Variants in PCDHGB2 observed in about 807,000 individuals in gnomAD.
PCDHGB2 encodes protocadherin gamma-B2.
Under a neutral mutation model 59.3 loss-of-function variants are expected in PCDHGB2, and 55 were observed. The observed-to-expected ratio is 0.93, with a 90% confidence interval of 0.75 to 1.16. The LOEUF (loss-of-function observed/expected upper bound fraction) is 1.16, where lower values mean the gene tolerates loss of function less well. PCDHGB2 is among the 50% of genes most tolerant of loss of function. The pLI, the probability that PCDHGB2 is intolerant of heterozygous loss-of-function variation, is 0.00. For missense variants in PCDHGB2, 1,228 were observed against 1,198.5 expected (o/e 1.02, Z -0.36); for synonymous variants, 516 against 512.0 (o/e 1.01, Z -0.11).
rs765690531 is a variant in PCDHGB2, at chr5:141,404,329, C to T, written c.2421+41773C>T. 6.8e-5 allele frequency: 110 copies of T among 1,613,772 alleles called. No homozygotes were observed. The East Asian group carries it at 2.4e-3, about 36-fold the overall frequency. On this transcript the variant is annotated intron_variant, in intron 1 of 3. Coordinates refer to ENST00000522605, the MANE Select transcript of PCDHGB2 (RefSeq NM_018923.3). ...CTTTCTCTCAAGCCTCCTACTCAGTCTACCTCCCGGAAAACAACGCCAGAG... is the reference window on the plus strand; with the variant it reads ...CTTTCTCTCAAGCCTCCTACTCAGTTTACCTCCCGGAAAACAACGCCAGAG...
Position 141,487,171 on chromosome 5 carries a change from G to C in PCDHGB2, c.2422-7636G>C. ...CTGTTACTCTCTTAGTGTCCTTAGA[G>C]GAAGACACTCATCCAGTTGTCCCAG... On this transcript the variant is annotated intron_variant, in intron 1 of 3. Transcript: ENST00000522605. The surrounding 1 kb of genome is among the most constrained non-coding windows in gnomAD (Gnocchi z 5.0). 1 of 1,612,938 alleles carries C rather than the reference G, an allele frequency of 6.2e-7. No individual in the cohort carries two copies. Among genetic ancestry groups the C allele is most frequent in the Non-Finnish European group, 8.5e-7 (1 of 1,178,910 alleles).
rs768767029 is a variant in PCDHGB2, at chr5:141,477,838, G to A, written c.2422-16969G>A. The A allele has an allele frequency of 6.2e-7, 1 of 1,612,892 alleles. No individual in the cohort carries two copies. The highest frequency in any genetic ancestry group is 1.1e-5 in the South Asian group (1 of 90,982). ...AGGTCCTATATCCTCGGCCAGGTGG[G>A]AGCTCGGTGGAGATGCTGCCTCGAG... On this transcript the variant is annotated intron_variant, in intron 1 of 3. Transcript: ENST00000522605. This position sits in a 1 kb window ranked among gnomAD's most constrained non-coding sequence, Gnocchi z 4.9.
At chr5:141,419,620 G>C in intron 1 of PCDHGB2, 1 of 1,612,304 alleles carries the variant, frequency 6.2e-7, no homozygotes, top group Non-Finnish European at 8.5e-7. Context: ...CAGGCTACCT[G>C]GTGACCAAGG....
chr5:141,418,840 C>A, intron 1 of PCDHGB2: 1 of 1,614,006 alleles, frequency 6.2e-7, no homozygotes, highest in Non-Finnish European at 8.5e-7. Context: ...GAGGATCTCT[C>A]TCAACACGGT....
chr5:141,499,275 C>T (rs1259707742), intron 2 of PCDHGB2, among the ~76,000 whole-genome samples: 1 of 152,178 alleles, frequency 6.6e-6, no homozygotes, highest in African/African-American at 2.4e-5. Flanking sequence ...CTAGACTGTT[C>T]TCTGATGGCT....
At chr5:141,423,495 C>T in intron 1 of PCDHGB2, 1 of 1,613,946 alleles carries the variant, frequency 6.2e-7, no homozygotes, top group African/African-American at 1.3e-5. Context: ...CCTATTCCCA[C>T]GAGGTCTCTC....
intron 1 of PCDHGB2, chr5:141,365,738 T>A (rs1378974315): frequency 1.9e-6 from 3 of 1,613,586 alleles, no homozygotes; most frequent in Admixed American, 3.3e-5. Context: ...CAGAGGTGTC[T>A]CTATCTTCTC....
chr5:141,505,298 T>C, intron 2 of PCDHGB2, 95 bp from the exon 3 acceptor site: 1 of 1,586,334 alleles, frequency 6.3e-7, no homozygotes, highest in Non-Finnish European at 8.6e-7. Flanking sequence ...GGGGTAGGGT[T>C]AGGGTACTAG....
At chr5:141,368,486 A>G (rs1329429156) in intron 1 of PCDHGB2, among the ~76,000 whole-genome samples, 1 of 152,214 alleles carries the variant, frequency 6.6e-6, no homozygotes, top group African/African-American at 2.4e-5. Context: ...TAACAAGAGA[A>G]TCTATACAGT....
intron 1 of PCDHGB2, chr5:141,379,314 G>T (rs557036464): frequency 6.6e-6 from 1 of 152,242 alleles, no homozygotes; most frequent in South Asian, 2.1e-4. Context: ...CTAAACAAGA[G>T]ATCTAATCAT....
chr5:141,461,088 G>A (rs2099008870), intron 1 of PCDHGB2, among the ~76,000 whole-genome samples: 1 of 151,800 alleles, frequency 6.6e-6, no homozygotes, highest in Non-Finnish European at 1.5e-5. Context: ...GAATTGTGCT[G>A]CTATAAACAT....
intron 1 of PCDHGB2, chr5:141,365,265 C>T: frequency 1.2e-6 from 2 of 1,613,964 alleles, no homozygotes; most frequent in African/African-American, 1.3e-5. Context: ...TATGAAGAAT[C>T]CAGATTCTAC....
At position 141,431,525 on chromosome 5, in the gene PCDHGB2, G is replaced by A. The variant is rs1390184616; in HGVS notation, c.2422-63282G>A. The A allele has an allele frequency of 5.6e-6, 9 of 1,613,956 alleles. No individual in the cohort carries two copies. Among genetic ancestry groups the A allele is most frequent in the Non-Finnish European group, 7.6e-6 (9 of 1,180,044 alleles). ...CCGCGCGAGCGTTCCGGAGAATCTG[G>A]CCTTGGGCACGCAGCTGCTTGTAGT... On this transcript the variant is annotated intron_variant, in intron 1 of 3. Transcript: ENST00000522605. This position sits in a 1 kb window ranked among gnomAD's most constrained non-coding sequence, Gnocchi z 4.8.
At chr5:141,433,377 A>ATCTG (rs1300427377) in intron 1 of PCDHGB2, among the ~76,000 whole-genome samples, 1 of 150,958 alleles carries the variant, frequency 6.6e-6, no homozygotes, top group Non-Finnish European at 1.5e-5. Context: ...CTATCTATCT[A>ATCTG]TCTATCTATC....
intron 1 of PCDHGB2, among the ~76,000 whole-genome samples, chr5:141,453,360 C>T (rs966238012): frequency 6.6e-6 from 1 of 152,000 alleles, no homozygotes; most frequent in Non-Finnish European, 1.5e-5. Context: ...CCCTGAACTC[C>T]TGGGGTCAAG....
At chr5:141,401,919 G>A (rs2150915658) in intron 1 of PCDHGB2, among the ~76,000 whole-genome samples, 1 of 152,224 alleles carries the variant, frequency 6.6e-6, no homozygotes, top group Non-Finnish European at 1.5e-5. Context: ...ATAAGTTTAA[G>A]TGATGCTTAG....
chr5:141,476,521 C>T lies in PCDHGB2; in HGVS notation c.2422-18286C>T. On this transcript the variant is annotated intron_variant, in intron 1 of 3. Transcript: ENST00000522605. The surrounding 1 kb of genome is among the most constrained non-coding windows in gnomAD (Gnocchi z 7.6). ...ACATCAACGACAACAATCCTGCTTT[C>T]CCTACCCAGGAAATGAAATTGGAGA... 4 of 1,614,214 alleles carry T rather than the reference C, an allele frequency of 2.5e-6. No homozygotes were observed. The highest frequency in any genetic ancestry group is 3.4e-6 in the Non-Finnish European group (4 of 1,180,036).
At chr5:141,483,291 A>T (rs767446911) in intron 1 of PCDHGB2, among the ~76,000 whole-genome samples, 4 of 152,126 alleles carry the variant, frequency 2.6e-5, no homozygotes, top group African/African-American at 4.8e-5. Flanking sequence ...TGTCAGTCAT[A>T]AGTGAAGGGA....
Position 141,388,879 on chromosome 5 carries a change from A to C in PCDHGB2, c.2421+26323A>C, listed in dbSNP as rs771776263. 3 of 1,613,956 alleles carry C rather than the reference A, an allele frequency of 1.9e-6. No individual in the cohort carries two copies. In the East Asian group the frequency reaches 6.7e-5, roughly 36 times the overall value. ...GGAATGATTGCGCAATGCACAGTGG[A>C]GGTAGAAGTCATAGATGAAAATGAC... On this transcript the variant is annotated intron_variant, in intron 1 of 3. Transcript: ENST00000522605.
Sources: allele counts gnomAD v4.1 joint callset (sites outside exome capture counted in the v4.1 genomes callset), GRCh38; gene constraint gnomAD v4.1.1; non-coding constraint Gnocchi (gnomAD v3.1); transcripts MANE v1.5; gene names NCBI Gene and HGNC (gene_info 2026-07-23, HGNC 2026-07-21).